Variants in CIC observed in about 807,000 individuals in gnomAD.
CIC encodes capicua transcriptional repressor, also known as protein capicua homolog.
In CIC, 18 loss-of-function variants were observed where a neutral mutation model predicts 115.7. The ratio of observed to expected loss-of-function variants is 0.16; its 90% CI spans 0.11 to 0.23. CIC has a LOEUF of 0.23. Among genes scored for constraint, CIC ranks in the 10% least tolerant of loss-of-function variants. The pLI is 1.00. For synonymous variants in CIC, 1,076 were observed against 923.0 expected (o/e 1.17, Z -3.01); for missense variants, 2,000 against 2,159.3 (o/e 0.93, Z 1.46).
chr19:42,282,701 C>G (rs1384976452), intron 2 of CIC, among the ~76,000 whole-genome samples: 2 of 152,228 alleles, frequency 1.3e-5, no homozygotes, highest in Non-Finnish European at 2.9e-5. Context: ...ACTGCATGAT[C>G]TTGCCACAGT....
rs1283899948 is a variant in CIC, at chr19:42,286,796, T to G, written c.2820T>G (p.Ser940=). The G allele has an allele frequency of 1.4e-5, 23 of 1,613,918 alleles. No individual in the cohort carries two copies. In the South Asian group the frequency reaches 1.6e-4, roughly 12 times the overall value. ...TGTGGACGAATGTGGAACCTCGCTC[T>G]GTGGCTGTGTTCCCTTGGCACTCCT... ...GTVWTNVEPR[S]VAVFPWHSLV... The change falls in exon 3 of 21, where the codon TCT becomes TCG. Residue 940 remains serine (S), a synonymous_variant. Coordinates refer to ENST00000681038, the MANE Select transcript of CIC (RefSeq NM_001386298.1).
In CIC at chr19:42,289,012, C is replaced by G. The variant is rs1205688802; in HGVS notation, c.3783C>G (p.Pro1261=). 1.2e-6 allele frequency: 2 copies of G among 1,613,750 alleles called. No homozygotes were observed. The highest frequency in any genetic ancestry group is 2.7e-5 in the African/African-American group (2 of 74,936). The change falls in exon 8 of 21, where the codon CCC becomes CCG. Residue 1261 remains proline, a synonymous_variant. Transcript: ENST00000681038. The part of the protein sequence containing the change: ...HTVGGPGSAR[P]RAFSHSGVHS... Reference sequence around the variant, plus strand: ...TTGGGGGACCTGGCTCAGCCCGGCCCCGAGCTTTCTCCCACAGCGGGGTAC... The same window carrying G: ...TTGGGGGACCTGGCTCAGCCCGGCCGCGAGCTTTCTCCCACAGCGGGGTAC...
intron 2 of CIC, chr19:42,284,571 G>A (rs935533392): frequency 6.3e-6 from 2 of 317,014 alleles, no homozygotes; most frequent in Non-Finnish European, 1.1e-5. Context: ...GGGCGGCGGG[G>A]GGGGGGGCAT....
chr19:42,289,501 G>C (rs1053263932), intron 9 of CIC, 95 bp downstream of exon 9: 24 of 1,361,626 alleles, frequency 1.8e-5, no homozygotes, highest in East Asian at 2.5e-5. Context: ...AGGCCCCTTT[G>C]TTTTCTTTTC....
chr19:42,290,496 T>G lies in CIC; in HGVS notation c.4455T>G (p.Pro1485=). ...CGGGCCCCCTACGGCCCCCACCCCC[T>G]GGGGCTGGGGGTCCAGCGACACCTT... ...STAGPLRPPP[P]GAGGPATPSK... Residue 1485 remains proline (P), a synonymous_variant, in exon 11 of 21, where the codon CCT becomes CCG. Coordinates refer to ENST00000681038, the MANE Select transcript of CIC (RefSeq NM_001386298.1). 1.9e-6 allele frequency: 3 copies of G among 1,613,212 alleles called. No homozygotes were observed. The highest frequency in any genetic ancestry group is 2.5e-6 in the Non-Finnish European group (3 of 1,179,688).
At chr19:42,277,174 G>A (rs1051883540) in intron 2 of CIC, among the ~76,000 whole-genome samples, 1 of 152,224 alleles carries the variant, frequency 6.6e-6, no homozygotes, top group African/African-American at 2.4e-5. Context: ...TTGGACAGAG[G>A]AGGAAACCGT....
intron 11 of CIC, 21 bp from the exon 12 acceptor site, chr19:42,291,537 T>C (rs747159773): frequency 1.9e-6 from 3 of 1,613,104 alleles, no homozygotes; most frequent in Non-Finnish European, 2.5e-6. Context: ...ACCTTTTCCT[T>C]TCTTGCCTCT....
In CIC at chr19:42,291,446, C is replaced by T. The variant is rs770767468; in HGVS notation, c.5405C>T (p.Pro1802Leu). The change falls in exon 11 of 21, where the codon CCC (proline) becomes CTC (leucine). Residue 1802 changes from proline (P) to leucine (L), a missense_variant. Around this residue, in one of 8 missense-constraint regions of CIC, gnomAD observed 1,466 missense variants for 1,390.4 expected, o/e 1.05. Transcript: ENST00000681038. ...TPGIPILQSV[P>L]SAPPPKAQSV... ...GGCATCCCCATCCTGCAGTCTGTAC[C>T]CTCCGCCCCACCCCCCAAAGGTGAG... The T allele has an allele frequency of 1.9e-6, 3 of 1,613,076 alleles. No homozygotes were observed. Among genetic ancestry groups the T allele is most frequent in the South Asian group, 1.1e-5 (1 of 91,086 alleles).
Position 42,290,724 on chromosome 19 carries a change from C to T in CIC, c.4683C>T (p.Ala1561=), listed in dbSNP as rs745753236. Residue 1561 remains alanine, a synonymous_variant, in exon 11 of 21, where the codon GCC becomes GCT. Transcript: ENST00000681038. ...GAGCCAGAGTGCCCTCCGCCCCCGC[C>T]CCATCACTGGCCTATGGGGCCCCAG... ...GGGARVPSAP[A]PSLAYGAPAA... 6.2e-7 allele frequency: 1 copy of T among 1,612,712 alleles called. No homozygotes were observed. Among genetic ancestry groups the T allele is most frequent in the Non-Finnish European group, 8.5e-7 (1 of 1,179,812 alleles).
chr19:42,284,598 G>A, intron 2 of CIC: 3 of 458,590 alleles, frequency 6.5e-6, no homozygotes, highest in Non-Finnish European at 1.0e-5. Context: ...ACGGCCTCCC[G>A]CTCCCCCCGG....
chr19:42,291,962 C>G, intron 12 of CIC, 124 bp from the exon 13 acceptor site: 1 of 1,451,146 alleles, frequency 6.9e-7, no homozygotes, highest in Non-Finnish European at 9.6e-7. Flanking sequence ...TCTTGCCCAT[C>G]CTGTTCTCAC....
rs1324536682 is a variant in CIC, at chr19:42,287,394, C to T, written c.3254C>T (p.Ala1085Val). 2 of 1,614,004 alleles carry T rather than the reference C, an allele frequency of 1.2e-6. No homozygotes were observed. Among genetic ancestry groups the T allele is most frequent in the Admixed American group, 1.7e-5 (1 of 60,006 alleles). ...PGKRRTQSLSALPKERDSSSE... is the reference protein window; with the variant it reads ...PGKRRTQSLSVLPKERDSSSE... ...AAACGTCGGACCCAGTCCCTCAGTG[C>T]CCTACCCAAGGAACGGGACTCATCT... Residue 1085 changes from alanine (A) to valine (V), a missense_variant, in exon 5 of 21, where the codon GCC becomes GTC. Physicochemically the swap from Ala to Val is moderately conservative, Grantham distance 64 (BLOSUM62 0). Around this residue, in one of 8 missense-constraint regions of CIC, gnomAD observed 222 missense variants for 247.7 expected, o/e 0.90. Coordinates refer to ENST00000681038, the MANE Select transcript of CIC (RefSeq NM_001386298.1). This position sits in a 1 kb window ranked among gnomAD's most constrained non-coding sequence, Gnocchi z 8.7.
chr19:42,291,893 T>C, intron 12 of CIC, 148 bp downstream of exon 12: 1 of 1,284,142 alleles, frequency 7.8e-7, no homozygotes, highest in Non-Finnish European at 1.1e-6. Context: ...ATCCTGACTC[T>C]CTCAAGTCCT....
At chr19:42,278,490 G>A (rs2037080980) in intron 2 of CIC, among the ~76,000 whole-genome samples, 1 of 152,156 alleles carries the variant, frequency 6.6e-6, no homozygotes, top group African/African-American at 2.4e-5. Flanking sequence ...TTGAGTCTGG[G>A]GGCTCCCTGT....
In CIC at chr19:42,291,060, G is replaced by A. The variant is rs2038059481; in HGVS notation, c.5019G>A (p.Leu1673=). 1.2e-6 allele frequency: 2 copies of A among 1,613,796 alleles called. No homozygotes were observed. Among genetic ancestry groups the A allele is most frequent in the Non-Finnish European group, 1.7e-6 (2 of 1,179,956 alleles). The part of the protein sequence containing the change: ...GKAPATVTNL[L]VGTPGYGAPA... ...CGCCTGCCACTGTCACTAACCTACT[G>A]GTGGGCACCCCGGGGTATGGGGCCC... Residue 1673 remains leucine, a synonymous_variant, in exon 11 of 21, where the codon CTG becomes CTA. Coordinates refer to ENST00000681038, the MANE Select transcript of CIC (RefSeq NM_001386298.1).
In CIC at chr19:42,289,962, G is replaced by T; in HGVS notation, c.4191+11G>T. ...CCAGAGGGCAACAAGGTGAGGGCTT[G>T]GGTCACGGTGCTGTCCCATCACACT... On this transcript the variant is annotated intron_variant, in intron 10 of 20. Transcript: ENST00000681038. 1 of 1,586,764 alleles carries T rather than the reference G, an allele frequency of 6.3e-7. No individual in the cohort carries two copies. Among genetic ancestry groups the T allele is most frequent in the South Asian group, 1.1e-5 (1 of 88,304 alleles).
chr19:42,290,131 C>T lies in CIC; in HGVS notation c.4192-102C>T, dbSNP rs1451716077. The T allele has an allele frequency of 2.6e-6, 4 of 1,556,552 alleles. No homozygotes were observed. The African/African-American group carries it at 5.4e-5, about 21-fold the overall frequency. Reference sequence around the variant, plus strand: ...GGCCTTCAGCTGGCAGGGGTGCAGCCCTAGGCTGGCCTGGCTGACAGGCTG... The same window carrying T: ...GGCCTTCAGCTGGCAGGGGTGCAGCTCTAGGCTGGCCTGGCTGACAGGCTG... On this transcript the variant is annotated intron_variant, in intron 10 of 20. Transcript: ENST00000681038.
chr19:42,276,793 C>G (rs1272945596), intron 2 of CIC, among the ~76,000 whole-genome samples: 2 of 152,110 alleles, frequency 1.3e-5, no homozygotes, highest in African/African-American at 4.8e-5. Flanking sequence ...CAACATGGCC[C>G]CTACAGCATT....
At chr19:42,284,898 G>GT in intron 2 of CIC, 1 of 883,982 alleles carries the variant, frequency 1.1e-6, no homozygotes, top group East Asian at 2.7e-5. Context: ...GACGGGGAAA[G>GT]TTACGGAGCT....
Sources: allele counts gnomAD v4.1 joint callset (sites outside exome capture counted in the v4.1 genomes callset), GRCh38; gene constraint gnomAD v4.1.1; regional missense constraint gnomAD v4.1.1; non-coding constraint Gnocchi (gnomAD v3.1); transcripts MANE v1.5; gene names NCBI Gene and HGNC (gene_info 2026-07-23, HGNC 2026-07-21).